OPCML: variants seen among roughly 807,000 people sequenced by gnomAD.
OPCML encodes the protein opioid binding protein/cell adhesion molecule like, also known as opioid-binding protein/cell adhesion molecule.
In OPCML, 13 loss-of-function variants were observed where a neutral mutation model predicts 37.8. The ratio of observed to expected loss-of-function variants is 0.34; its 90% CI spans 0.22 to 0.55. The LOEUF (loss-of-function observed/expected upper bound fraction) is 0.55, where lower values mean the gene tolerates loss of function less well. Among genes scored for constraint, OPCML ranks in the 20% least tolerant of loss-of-function variants. OPCML has a pLI of 0.91. For missense variants in OPCML, 341 were observed against 435.6 expected (o/e 0.78, Z 1.93); for synonymous variants, 176 against 168.8 (o/e 1.04, Z -0.33).
In OPCML at chr11:133,240,447, G is replaced by A. The variant is rs149117584; in HGVS notation, c.61+291817C>T. Among the ~76,000 whole-genome samples, 1,083 of 152,114 alleles carry A rather than the reference G, an allele frequency of 7.1e-3. 12 individuals carry two copies. The highest frequency in any genetic ancestry group is 0.025 in the African/African-American group (1,037 of 41,496). The stretch of plus-strand genomic sequence containing the variant: ...CTATTGTTCACCGCACCAGACACCC[G>A]TGTTAGAGTGTGATGTCTTTGTCCC... On this transcript the variant is annotated intron_variant, in intron 1 of 7. Coordinates refer to ENST00000524381, the MANE Select transcript of OPCML (RefSeq NM_001012393.5).
At chr11:132,676,220 G>A (rs896963434) in intron 2 of OPCML, among the ~76,000 whole-genome samples, 3 of 152,074 alleles carry the variant, frequency 2.0e-5, no homozygotes, top group African/African-American at 7.2e-5. Flanking sequence ...AAATGGTGCT[G>A]GGACAGCTGG....
chr11:132,794,547 G>GCTTTCCTT (rs1177352148), intron 2 of OPCML, among the ~76,000 whole-genome samples: 10 of 152,120 alleles, frequency 6.6e-5, no homozygotes, highest in African/African-American at 2.4e-4. Context: ...GAGCTTTCCT[G>GCTTTCCTT]CTTTCCTGCT....
At chr11:133,329,133 G>A (rs1281425421) in intron 1 of OPCML, among the ~76,000 whole-genome samples, 2 of 152,292 alleles carry the variant, frequency 1.3e-5, no homozygotes, top group East Asian at 3.9e-4. Flanking sequence ...CAAGGGATGT[G>A]AAGGACCTCT....
intron 1 of OPCML, among the ~76,000 whole-genome samples, chr11:133,327,283 T>G (rs1164879830): frequency 1.3e-5 from 2 of 151,856 alleles, no homozygotes; most frequent in East Asian, 3.9e-4. Flanking sequence ...TAGGAAGTGT[T>G]TTTCCTAAAT....
chr11:132,954,195 T>C (rs1373405045), intron 1 of OPCML, among the ~76,000 whole-genome samples: 1 of 152,150 alleles, frequency 6.6e-6, no homozygotes, highest in African/African-American at 2.4e-5. Context: ...TCATTGACCA[T>C]CTAGGCATTT....
At chr11:132,730,414 C>T (rs1945038280) in intron 2 of OPCML, among the ~76,000 whole-genome samples, 1 of 152,100 alleles carries the variant, frequency 6.6e-6, no homozygotes, top group South Asian at 2.1e-4. Context: ...CTAAAATAAT[C>T]TAAAAGGAAA....
At chr11:132,953,219 C>T (rs1160841035) in intron 1 of OPCML, among the ~76,000 whole-genome samples, 1 of 152,122 alleles carries the variant, frequency 6.6e-6, no homozygotes, top group African/African-American at 2.4e-5. Context: ...TCCTCTGCTA[C>T]AGACCAGGGC....
chr11:132,558,874 A>G (rs1289667955), intron 3 of OPCML, among the ~76,000 whole-genome samples: 1 of 152,000 alleles, frequency 6.6e-6, no homozygotes, highest in East Asian at 2.0e-4. Context: ...TGTGGGTGAT[A>G]TGGGCAAGGG....
At chr11:133,112,425 G>A (rs763481932) in intron 1 of OPCML, among the ~76,000 whole-genome samples, 8 of 151,722 alleles carry the variant, frequency 5.3e-5, no homozygotes, top group Admixed American at 6.6e-5. Flanking sequence ...GTATATGACA[G>A]ATGAAAAATT....
intron 2 of OPCML, among the ~76,000 whole-genome samples, chr11:132,712,268 C>A (rs1944295160): frequency 6.6e-6 from 1 of 152,032 alleles, no homozygotes; most frequent in Non-Finnish European, 1.5e-5. Context: ...CTGGTTTTCT[C>A]AAAACCCATA....
At chr11:133,528,480 C>T (rs148044153) in intron 1 of OPCML, among the ~76,000 whole-genome samples, 1,670 of 152,248 alleles carry the variant, frequency 0.011, 31 homozygotes, top group South Asian at 0.063. Context: ...GCAGGTTCGC[C>T]GGCTCTGGGC....
chr11:133,071,950 A>G (rs1948545345), intron 1 of OPCML, among the ~76,000 whole-genome samples: 1 of 152,212 alleles, frequency 6.6e-6, no homozygotes, highest in African/African-American at 2.4e-5. Context: ...ATGCTTGCCC[A>G]GAGTCACGGA....
intron 1 of OPCML, among the ~76,000 whole-genome samples, chr11:133,184,445 G>A (rs1274851542): frequency 1.3e-5 from 2 of 152,156 alleles, no homozygotes; most frequent in East Asian, 1.9e-4. Flanking sequence ...GGATGGGGAA[G>A]GGGTGGCTGA....
At chr11:133,348,535 C>T (rs1266420829) in intron 1 of OPCML, among the ~76,000 whole-genome samples, 1 of 152,158 alleles carries the variant, frequency 6.6e-6, no homozygotes, top group Non-Finnish European at 1.5e-5. Flanking sequence ...GCCTCCCTCA[C>T]TGATGCTGCT....
intron 1 of OPCML, among the ~76,000 whole-genome samples, chr11:133,014,044 C>A (rs1250750815): frequency 6.6e-6 from 1 of 152,210 alleles, no homozygotes; most frequent in African/African-American, 2.4e-5. Flanking sequence ...CCACTGAAGA[C>A]AACTTTACAT....
At chr11:132,967,886 T>A (rs1319553901) in intron 1 of OPCML, among the ~76,000 whole-genome samples, 1 of 152,208 alleles carries the variant, frequency 6.6e-6, no homozygotes. Flanking sequence ...TCATTTTTTT[T>A]AAATTAAGGA....
At chr11:132,749,921 T>A (rs1000443746) in intron 2 of OPCML, among the ~76,000 whole-genome samples, 2 of 152,178 alleles carry the variant, frequency 1.3e-5, no homozygotes, top group Non-Finnish European at 2.9e-5. Flanking sequence ...GTCTCACTCT[T>A]GCCCAGGCTG....
chr11:133,451,757 G>C (rs1946584274), intron 1 of OPCML, among the ~76,000 whole-genome samples: 1 of 150,958 alleles, frequency 6.6e-6, no homozygotes, highest in African/African-American at 2.5e-5. Flanking sequence ...CAGGAGAATT[G>C]CTTGAACCCG....
Position 133,430,209 on chromosome 11 carries a change from T to C in OPCML, c.61+102055A>G, listed in dbSNP as rs748079873. 1.2e-4 allele frequency among the ~76,000 whole-genome samples: 18 copies of C among 152,200 alleles called. No individual in the cohort carries two copies. The Middle Eastern group carries it at 0.014, about 115-fold the overall frequency. ...AATGGGGAAGGCATTGATGACTTGA[T>C]AAGAGGTGTTTTGGTGGAGAGGTGA... On this transcript the variant is annotated intron_variant, in intron 1 of 7. Coordinates refer to ENST00000524381, the MANE Select transcript of OPCML (RefSeq NM_001012393.5).
Sources: gnomAD v4.1 joint callset for allele counts (sites outside exome capture counted in the v4.1 genomes callset) on GRCh38, gnomAD v4.1.1 for gene constraint, MANE v1.5 for transcripts, NCBI Gene and HGNC (gene_info 2026-07-23, HGNC 2026-07-21) for gene names.